Variants in ANXA8 observed in about 807,000 individuals in gnomAD.
The protein encoded by ANXA8 is VAC-beta.
Under a neutral mutation model 26.8 loss-of-function variants are expected in ANXA8, and 9 were observed. The ratio of observed to expected loss-of-function variants is 0.34; its 90% CI spans 0.20 to 0.59. The LOEUF is 0.59. Ranked by LOEUF, ANXA8 falls within the 20% of genes least tolerant of loss-of-function variation. The pLI is 0.84. For missense variants in ANXA8, 83 were observed against 238.5 expected (o/e 0.35, Z 4.29); for synonymous variants, 39 against 94.8 (o/e 0.41, Z 3.42).
chr10:47,554,755 G>T, the ANXA8 span, among the ~76,000 whole-genome samples: 3 of 151,992 alleles, frequency 2.0e-5, no homozygotes. Flanking sequence ...CAGCCCCCAG[G>T]TATTCACTCT....
the ANXA8 span, among the ~76,000 whole-genome samples, chr10:47,509,960 C>G: frequency 7.0e-6 from 1 of 142,514 alleles, no homozygotes; most frequent in South Asian, 2.2e-4. Flanking sequence ...AAAAGACACA[C>G]TGTTTCTGGG....
the ANXA8 span, among the ~76,000 whole-genome samples, chr10:47,653,026 T>A: frequency 6.6e-6 from 1 of 151,286 alleles, no homozygotes; most frequent in South Asian, 2.1e-4. Context: ...AGAAAGTCAG[T>A]CAAGCCCGTG....
At chr10:47,958,873 A>G in the ANXA8 span, among the ~76,000 whole-genome samples, 1 of 149,870 alleles carries the variant, frequency 6.7e-6, no homozygotes, top group Admixed American at 6.6e-5. Context: ...CATGGGGGAA[A>G]CCGCCCCCAT....
the ANXA8 span, among the ~76,000 whole-genome samples, chr10:47,970,854 G>A: frequency 6.6e-6 from 1 of 151,266 alleles, no homozygotes; most frequent in East Asian, 1.9e-4. Flanking sequence ...GTTTGCTGAG[G>A]GAGGTGCCAG....
At chr10:47,756,860 GAAC>G in the ANXA8 span, among the ~76,000 whole-genome samples, 2 of 144,040 alleles carry the variant, frequency 1.4e-5, no homozygotes, top group African/African-American at 5.2e-5. Flanking sequence ...CACCCTGGAG[GAAC>G]TGGACCCATG....
chr10:47,527,975 T>C, the ANXA8 span, among the ~76,000 whole-genome samples: 29 of 147,298 alleles, frequency 2.0e-4, no homozygotes, highest in Non-Finnish European at 7.5e-5. Context: ...TAGCTTTGGA[T>C]TCCTACAAAA....
the ANXA8 span, among the ~76,000 whole-genome samples, chr10:47,947,478 G>T: frequency 2.0e-5 from 3 of 148,202 alleles, no homozygotes; most frequent in Admixed American, 6.7e-5. Context: ...AGTTGATATG[G>T]CTTGGCTCTA....
At chr10:47,678,622 GA>G in the ANXA8 span, among the ~76,000 whole-genome samples, 2 of 151,734 alleles carry the variant, frequency 1.3e-5, no homozygotes, top group African/African-American at 4.8e-5. Context: ...AGCACAAAGA[GA>G]AAAAAAATAC....
chr10:47,536,051 C>G, the ANXA8 span, among the ~76,000 whole-genome samples: 1 of 252 alleles, frequency 4.0e-3, no homozygotes, highest in Middle Eastern at 0.25. Context: ...TCACCAGACA[C>G]CAAGACTGCC....
chr10:47,747,974 A>G, the ANXA8 span, among the ~76,000 whole-genome samples: 120 of 152,168 alleles, frequency 7.9e-4, no homozygotes, highest in African/African-American at 2.8e-3. Context: ...TAAAAACTCT[A>G]AGCTGAAGAA....
the ANXA8 span, among the ~76,000 whole-genome samples, chr10:47,508,971 C>T: frequency 7.6e-5 from 10 of 131,270 alleles, 3 homozygotes; most frequent in Non-Finnish European, 1.5e-4. Flanking sequence ...TTCAATATAT[C>T]TTCTTGAAGC....
At chr10:47,952,075 T>TA in the ANXA8 span, among the ~76,000 whole-genome samples, 593 of 150,212 alleles carry the variant, frequency 3.9e-3, 3 homozygotes, top group Admixed American at 0.026. Context: ...GTACTTTTTT[T>TA]TAAAAAAATA....
the ANXA8 span, among the ~76,000 whole-genome samples, chr10:47,507,136 A>G: frequency 1.4e-5 from 2 of 140,812 alleles, no homozygotes; most frequent in South Asian, 2.3e-4. Flanking sequence ...TTCTGTTTTT[A>G]TAAACTGGGT....
chr10:47,495,662 G>GGAGGAA, the ANXA8 span, among the ~76,000 whole-genome samples: 2 of 97,904 alleles, frequency 2.0e-5, no homozygotes, highest in African/African-American at 8.6e-5. Flanking sequence ...AGGAGGAAGA[G>GGAGGAA]GAGGAGGAGG....
the ANXA8 span, among the ~76,000 whole-genome samples, chr10:47,659,160 T>C: frequency 1.3e-5 from 2 of 151,680 alleles, no homozygotes; most frequent in Admixed American, 1.3e-4. Context: ...TGTGAACCAC[T>C]GCACCCGGCT....
the ANXA8 span, among the ~76,000 whole-genome samples, chr10:47,747,246 G>C: frequency 2.0e-5 from 3 of 152,084 alleles, no homozygotes; most frequent in African/African-American, 4.8e-5. Context: ...TGGAGACTGA[G>C]GTTGTCAAGG....
the ANXA8 span, among the ~76,000 whole-genome samples, chr10:47,742,989 CT>C: frequency 3.0e-4 from 30 of 100,470 alleles, no homozygotes; most frequent in African/African-American, 8.2e-4. Flanking sequence ...CCCGTCTCTA[CT>C]AAAAAAAAAA....
the ANXA8 span, among the ~76,000 whole-genome samples, chr10:47,501,086 C>A: frequency 7.0e-6 from 1 of 143,448 alleles, no homozygotes; most frequent in Admixed American, 7.0e-5. Flanking sequence ...GTATTTTTAG[C>A]AGAGATGGGG....
At chr10:47,777,504 C>A in the ANXA8 span, among the ~76,000 whole-genome samples, 1 of 152,148 alleles carries the variant, frequency 6.6e-6, no homozygotes, top group Non-Finnish European at 1.5e-5. Flanking sequence ...ACATACATTG[C>A]CTGCCTCCTT....
Sources: gnomAD v4.1 joint callset for allele counts (sites outside exome capture counted in the v4.1 genomes callset) on GRCh38, gnomAD v4.1.1 for gene constraint, MANE v1.5 for transcripts, NCBI Gene and HGNC (gene_info 2026-07-23, HGNC 2026-07-21) for gene names.